The following RAB3C variants were observed in gnomAD, a reference collection of about 807,000 sequenced individuals.
The protein encoded by RAB3C is RAB3C, member RAS oncogene family, also known as ras-related protein Rab-3C.
In RAB3C, 17 loss-of-function variants were observed where a neutral mutation model predicts 26.4. The observed-to-expected ratio is 0.64, with a 90% CI of 0.44 to 0.97. RAB3C has a LOEUF of 0.97. Among genes scored for constraint, RAB3C ranks in the 50% least tolerant of loss-of-function variants. The probability of loss-of-function intolerance (pLI) is 0.00; values close to 1 mark genes in which losing one functional copy is unlikely to be tolerated. For synonymous variants in RAB3C, 91 were observed against 95.9 expected (o/e 0.95, Z 0.30); for missense variants, 242 against 281.9 (o/e 0.86, Z 1.01).
intron 1 of RAB3C, among the ~76,000 whole-genome samples, chr5:58,603,156 C>A (rs1746492597): frequency 6.6e-6 from 1 of 152,170 alleles, no homozygotes; most frequent in Non-Finnish European, 1.5e-5. Flanking sequence ...TCCCTTCTAG[C>A]TCGTAGGGTT....
At chr5:58,614,675 T>G (rs1182822072) in intron 1 of RAB3C, among the ~76,000 whole-genome samples, 1 of 151,984 alleles carries the variant, frequency 6.6e-6, no homozygotes, top group Non-Finnish European at 1.5e-5. Flanking sequence ...GCCCTTGAAA[T>G]TAAAGATGTT....
chr5:58,657,389 A>G (rs988103948), intron 2 of RAB3C, among the ~76,000 whole-genome samples: 1 of 88,664 alleles, frequency 1.1e-5, no homozygotes, highest in African/African-American at 3.1e-5. Flanking sequence ...AATTTATAGA[A>G]AAAAAAAAAA....
At chr5:58,742,277 C>T (rs975442038) in intron 3 of RAB3C, among the ~76,000 whole-genome samples, 6 of 152,196 alleles carry the variant, frequency 3.9e-5, no homozygotes, top group Non-Finnish European at 8.8e-5. Context: ...TGAAGTTAAA[C>T]GTAGTGCTAA....
intron 3 of RAB3C, among the ~76,000 whole-genome samples, chr5:58,751,412 C>G (rs942428831): frequency 6.6e-6 from 1 of 152,166 alleles, no homozygotes; most frequent in Non-Finnish European, 1.5e-5. Flanking sequence ...GCCAGCAGAG[C>G]AGCTCACTGA....
intron 1 of RAB3C, among the ~76,000 whole-genome samples, chr5:58,610,706 G>T (rs1746681260): frequency 6.6e-6 from 1 of 151,810 alleles, no homozygotes. Flanking sequence ...TACCTTAGCA[G>T]GGAATGACTT....
intron 2 of RAB3C, among the ~76,000 whole-genome samples, chr5:58,623,995 T>C (rs1746997018): frequency 6.6e-6 from 1 of 152,228 alleles, no homozygotes; most frequent in South Asian, 2.1e-4. Flanking sequence ...TGGTAAATTA[T>C]ACTTAGTTCA....
At chr5:58,758,483 A>T (rs1318131073) in intron 3 of RAB3C, among the ~76,000 whole-genome samples, 1 of 152,166 alleles carries the variant, frequency 6.6e-6, no homozygotes, top group African/African-American at 2.4e-5. Flanking sequence ...TGAGGACTAG[A>T]GTCTAAAAGA....
chr5:58,738,142 T>A (rs947850638), intron 3 of RAB3C, among the ~76,000 whole-genome samples: 5 of 152,220 alleles, frequency 3.3e-5, no homozygotes, highest in Non-Finnish European at 7.3e-5. Context: ...AAGTTTCTCT[T>A]ACTGTTTTAG....
chr5:58,636,750 T>C (rs1747297517), intron 2 of RAB3C, among the ~76,000 whole-genome samples: 1 of 152,138 alleles, frequency 6.6e-6, no homozygotes, highest in African/African-American at 2.4e-5. Context: ...TCCTTTTCGT[T>C]CCCGAAGAAC....
At chr5:58,617,209 A>C (rs1210661837) in intron 1 of RAB3C, among the ~76,000 whole-genome samples, 3 of 152,154 alleles carry the variant, frequency 2.0e-5, no homozygotes, top group Non-Finnish European at 4.4e-5. Context: ...CTTCCCTATG[A>C]AATAAGAGAG....
intron 2 of RAB3C, among the ~76,000 whole-genome samples, chr5:58,654,992 A>G (rs748312084): frequency 2.6e-5 from 4 of 152,206 alleles, no homozygotes; most frequent in Non-Finnish European, 5.9e-5. Context: ...ACATATATAC[A>G]TACTCTTTTT....
At chr5:58,837,862 G>T (rs906705902) in intron 4 of RAB3C, among the ~76,000 whole-genome samples, 2 of 152,090 alleles carry the variant, frequency 1.3e-5, no homozygotes, top group African/African-American at 4.8e-5. Context: ...CCCAGCCTTG[G>T]TTCAATCTTT....
intron 2 of RAB3C, among the ~76,000 whole-genome samples, chr5:58,652,918 G>A (rs1248208922): frequency 6.6e-6 from 1 of 152,014 alleles, no homozygotes; most frequent in Admixed American, 6.6e-5. Context: ...ATAAAAATCT[G>A]TTGGGTTTTT....
At chr5:58,713,561 C>T (rs1749107024) in intron 2 of RAB3C, among the ~76,000 whole-genome samples, 1 of 152,168 alleles carries the variant, frequency 6.6e-6, no homozygotes, top group African/African-American at 2.4e-5. Context: ...TAGAGGCAGA[C>T]TCACTGGTTT....
intron 3 of RAB3C, among the ~76,000 whole-genome samples, chr5:58,793,590 T>TTTG (rs757335171): frequency 1.2e-3 from 184 of 151,764 alleles, no homozygotes; most frequent in African/African-American, 4.4e-3. Flanking sequence ...ACTTTTTTTT[T>TTTG]TTTTGCTTTG....
intron 1 of RAB3C, 106 bp downstream of exon 1, chr5:58,583,338 C>T (rs1049932356): frequency 6.4e-7 from 1 of 1,574,158 alleles, no homozygotes; most frequent in Non-Finnish European, 8.6e-7. Context: ...AGGCGGTCAC[C>T]CGCGGAGATG....
intron 3 of RAB3C, among the ~76,000 whole-genome samples, chr5:58,750,347 G>A (rs1263624021): frequency 6.6e-6 from 1 of 152,180 alleles, no homozygotes; most frequent in Non-Finnish European, 1.5e-5. Context: ...TATTGTGAGT[G>A]CTTCAAGGGC....
At chr5:58,740,301 G>C (rs755937231) in intron 3 of RAB3C, among the ~76,000 whole-genome samples, 2 of 152,152 alleles carry the variant, frequency 1.3e-5, no homozygotes, top group African/African-American at 4.8e-5. Flanking sequence ...TTGCAAGTTC[G>C]TGTTTTATTT....
chr5:58,736,714 C>T (rs4700303), intron 3 of RAB3C, among the ~76,000 whole-genome samples: 38,043 of 151,932 alleles, frequency 0.25, 4,780 homozygotes, highest in East Asian at 0.37. Context: ...CCCTAATAAC[C>T]TCGTCTTAAC....
Sources: allele counts gnomAD v4.1 joint callset (sites outside exome capture counted in the v4.1 genomes callset), GRCh38; gene constraint gnomAD v4.1.1; transcripts MANE v1.5; gene names NCBI Gene and HGNC (gene_info 2026-07-23, HGNC 2026-07-21).